The following PIGK variants were observed in gnomAD, a reference collection of about 807,000 sequenced individuals.
PIGK encodes phosphatidylinositol glycan anchor biosynthesis class K.
PIGK carries 42 observed loss-of-function variants against 50.6 expected under a neutral mutation model. That is an observed-to-expected ratio of 0.83 (90% CI 0.65 to 1.07). PIGK has a LOEUF of 1.07. Ranked by LOEUF, PIGK falls within the 50% of genes least tolerant of loss-of-function variation. The pLI is 0.00. For missense variants in PIGK, 448 were observed against 488.7 expected (o/e 0.92, Z 0.78); for synonymous variants, 151 against 156.0 (o/e 0.97, Z 0.24).
At chr1:77,186,679 C>T (rs972468084) in intron 3 of PIGK, among the ~76,000 whole-genome samples, 1 of 152,152 alleles carries the variant, frequency 6.6e-6, no homozygotes, top group Non-Finnish European at 1.5e-5. Context: ...TCCCCAGTCA[C>T]CCCTGTCATC....
At chr1:77,182,548 ACATATG>A (rs1557816698) in intron 3 of PIGK, among the ~76,000 whole-genome samples, 1 of 151,914 alleles carries the variant, frequency 6.6e-6, no homozygotes, top group Non-Finnish European at 1.5e-5. Flanking sequence ...ACACACACAC[ACATATG>A]TGAGTTTATT....
rs111318664 is a variant in PIGK, at chr1:77,167,527, T to C, written c.376-697A>G. On this transcript the variant is annotated intron_variant, in intron 4 of 10. Coordinates refer to ENST00000370812, the MANE Select transcript of PIGK (RefSeq NM_005482.3). ...AGGAGGCTGAGGCAGGAGGATCACC[T>C]GAGGCCAAGTGTTCAAAAACAGCCT... Among the ~76,000 whole-genome samples, 715 of 152,302 alleles carry C rather than the reference T, an allele frequency of 4.7e-3. 4 individuals are homozygous for C. The highest frequency in any genetic ancestry group is 0.027 in the Middle Eastern group (8 of 294).
intron 3 of PIGK, among the ~76,000 whole-genome samples, chr1:77,203,556 C>T (rs1435515572): frequency 6.6e-6 from 1 of 152,146 alleles, no homozygotes; most frequent in Non-Finnish European, 1.5e-5. Flanking sequence ...ACCATAATAA[C>T]CCTTTTCCCT....
intron 3 of PIGK, among the ~76,000 whole-genome samples, chr1:77,182,189 T>C (rs1655630215): frequency 6.6e-6 from 1 of 152,180 alleles, no homozygotes; most frequent in South Asian, 2.1e-4. Flanking sequence ...TTACATGTGG[T>C]TGAATATAAC....
At chr1:77,096,059 A>C (rs541695087) in intron 10 of PIGK, among the ~76,000 whole-genome samples, 2 of 151,508 alleles carry the variant, frequency 1.3e-5, no homozygotes, top group Non-Finnish European at 2.9e-5. Flanking sequence ...AATTTTAGAC[A>C]ATTTTTATCT....
intron 3 of PIGK, among the ~76,000 whole-genome samples, chr1:77,174,687 T>C (rs972298059): frequency 5.3e-5 from 8 of 152,148 alleles, no homozygotes; most frequent in African/African-American, 1.9e-4. Context: ...AAGACACCCA[T>C]GGGAGCTTGG....
At chr1:77,167,381 T>C (rs4949773) in intron 4 of PIGK, among the ~76,000 whole-genome samples, 35,639 of 151,972 alleles carry the variant, frequency 0.23, 5,132 homozygotes, top group Non-Finnish European at 0.32. Flanking sequence ...TGGAGAAAAA[T>C]AAGTTCTGAA....
rs373738621 is a variant in PIGK, at chr1:77,118,393, C to G, written c.1071+3882G>C. 3.3e-5 allele frequency among the ~76,000 whole-genome samples: 5 copies of G among 151,868 alleles called. No individual in the cohort carries two copies. The East Asian group carries it at 9.7e-4, about 29-fold the overall frequency. On this transcript the variant is annotated intron_variant, in intron 10 of 10. Coordinates refer to ENST00000370812, the MANE Select transcript of PIGK (RefSeq NM_005482.3). The stretch of plus-strand genomic sequence containing the variant: ...TAGCTATGATTACAAGTGCCCATCA[C>G]CATGCCTGGTTAATTTATGGTTTTT...
At chr1:77,120,069 A>G (rs572602170) in intron 10 of PIGK, among the ~76,000 whole-genome samples, 1 of 152,352 alleles carries the variant, frequency 6.6e-6, no homozygotes, top group East Asian at 1.9e-4. Context: ...TAGGTAAAGT[A>G]TAAGATTATT....
chr1:77,166,252 G>A (rs1655230701), intron 5 of PIGK, among the ~76,000 whole-genome samples: 1 of 152,024 alleles, frequency 6.6e-6, no homozygotes, highest in African/African-American at 2.4e-5. Context: ...TATCCACAAT[G>A]CAATTTCATG....
At chr1:77,100,343 G>T (rs1653513739) in intron 10 of PIGK, among the ~76,000 whole-genome samples, 1 of 152,108 alleles carries the variant, frequency 6.6e-6, no homozygotes, top group Non-Finnish European at 1.5e-5. Context: ...ATTAGTGGTG[G>T]TTTATTAGTA....
At chr1:77,157,427 G>A (rs1235189153) in intron 8 of PIGK, among the ~76,000 whole-genome samples, 4 of 152,122 alleles carry the variant, frequency 2.6e-5, no homozygotes, top group Admixed American at 6.5e-5. Flanking sequence ...AATCTTTCCT[G>A]TATAATCAAT....
At chr1:77,155,040 T>G (rs998936132) in intron 8 of PIGK, among the ~76,000 whole-genome samples, 5 of 152,206 alleles carry the variant, frequency 3.3e-5, no homozygotes, top group African/African-American at 4.8e-5. Context: ...GATTCAAACT[T>G]CAAATTCAAA....
intron 3 of PIGK, among the ~76,000 whole-genome samples, chr1:77,183,662 A>G (rs1274443813): frequency 2.0e-5 from 3 of 152,182 alleles, no homozygotes; most frequent in Non-Finnish European, 4.4e-5. Context: ...ATCAGGCTAA[A>G]TTTATTGACT....
At chr1:77,211,510 T>C (rs1386794645) in intron 1 of PIGK, among the ~76,000 whole-genome samples, 1 of 152,030 alleles carries the variant, frequency 6.6e-6, no homozygotes, top group Non-Finnish European at 1.5e-5. Flanking sequence ...TGCCAGGAAT[T>C]TAACCAAAGA....
intron 3 of PIGK, among the ~76,000 whole-genome samples, chr1:77,175,406 A>G (rs1030543962): frequency 1.3e-5 from 2 of 152,256 alleles, no homozygotes; most frequent in African/African-American, 4.8e-5. Context: ...AAGTCCAAGC[A>G]TGACGTAGGT....
Position 77,090,398 on chromosome 1 carries a change from A to T in PIGK, c.*1976T>A, listed in dbSNP as rs146731179. 1 of 152,204 alleles carries T rather than the reference A, an allele frequency of 6.6e-6. No homozygotes were observed. The highest frequency in any genetic ancestry group is 2.1e-4 in the South Asian group (1 of 4,834). The allele number at this position is 152,204 out of a possible 1,614,324, so 9.4% of individuals were successfully genotyped here. ...ATATTTTAAGCTTTTGGCTTTAACT[A>T]TATTCTGAAGATTCAATAATGAAAC... On this transcript the variant is annotated 3_prime_UTR_variant, in exon 11 of 11. Transcript: ENST00000370812.
At chr1:77,196,385 T>C (rs1239125735) in intron 3 of PIGK, among the ~76,000 whole-genome samples, 1 of 152,176 alleles carries the variant, frequency 6.6e-6, no homozygotes, top group Non-Finnish European at 1.5e-5. Context: ...TTAAGTTCTT[T>C]GACAAATCTC....
chr1:77,180,956 T>A (rs1346815862), intron 3 of PIGK, among the ~76,000 whole-genome samples: 1 of 152,184 alleles, frequency 6.6e-6, no homozygotes, highest in African/African-American at 2.4e-5. Flanking sequence ...GCATAATTTC[T>A]TTCTTCTTTC....
Sources: allele counts gnomAD v4.1 joint callset (sites outside exome capture counted in the v4.1 genomes callset), GRCh38; gene constraint gnomAD v4.1.1; transcripts MANE v1.5; gene names NCBI Gene and HGNC (gene_info 2026-07-23, HGNC 2026-07-21).